Variants in BOD1L1 observed in about 807,000 individuals in gnomAD.
BOD1L1 encodes biorientation of chromosomes in cell division protein 1-like 1.
In BOD1L1, 86 loss-of-function variants were observed where a neutral mutation model predicts 240.7. The observed-to-expected ratio is 0.36, with a 90% confidence interval of 0.30 to 0.43. The LOEUF (loss-of-function observed/expected upper bound fraction) is 0.43, where lower values mean the gene tolerates loss of function less well. BOD1L1 is among the 20% of genes least tolerant of loss of function. The pLI is 1.00. For synonymous variants in BOD1L1, 1,268 were observed against 1,272.3 expected (o/e 1.00, Z 0.07); for missense variants, 3,554 against 3,643.5 (o/e 0.98, Z 0.63).
rs747054259 is a variant in BOD1L1, at chr4:13,604,956, G to T, written c.1944C>A (p.Ser648=). 1 of 1,613,226 alleles carries T rather than the reference G, an allele frequency of 6.2e-7. No homozygotes were observed. The highest frequency in any genetic ancestry group is 8.5e-7 in the Non-Finnish European group (1 of 1,179,710). Residue 648 remains serine (S), a synonymous_variant, in exon 10 of 26, where the codon TCC becomes TCA. Coordinates refer to ENST00000040738, the MANE Select transcript of BOD1L1 (RefSeq NM_148894.3). ...GTCTTTTATGTTCTCTTTCTAATTT[G>T]GATTCATTTTTGTTTTCGTCAACTA... ...LHVVDENKNE[S]KLEREHKRRT...
intron 5 of BOD1L1, among the ~76,000 whole-genome samples, chr4:13,612,175 T>C (rs1369741843): frequency 2.0e-5 from 3 of 151,920 alleles, no homozygotes; most frequent in East Asian, 3.9e-4. Flanking sequence ...GTTTGTGAAA[T>C]TGAAGAAAAA....
At chr4:13,612,108 A>G (rs1053711637) in intron 5 of BOD1L1, among the ~76,000 whole-genome samples, 3 of 152,190 alleles carry the variant, frequency 2.0e-5, no homozygotes, top group Non-Finnish European at 4.4e-5. Flanking sequence ...GGTAATGCAG[A>G]GCTGACCTCA....
chr4:13,582,347 C>A (rs1185830747), intron 18 of BOD1L1, 37 bp from the exon 19 acceptor site: 56 of 1,539,212 alleles, frequency 3.6e-5, no homozygotes, highest in Non-Finnish European at 4.9e-5. Flanking sequence ...ATGCTAGTGA[C>A]CATGGTCAGC....
chr4:13,595,024 C>T lies in BOD1L1; in HGVS notation c.8104+836G>A, dbSNP rs58495734. Among the ~76,000 whole-genome samples the T allele has an allele frequency of 2.2e-3, 334 of 152,236 alleles. 2 individuals are homozygous for T. Among genetic ancestry groups the T allele is most frequent in the African/African-American group, 7.6e-3 (315 of 41,552 alleles). On this transcript the variant is annotated intron_variant, in intron 12 of 25. Coordinates refer to ENST00000040738, the MANE Select transcript of BOD1L1 (RefSeq NM_148894.3). ...ACAGGACTGAATGTGAAAACAGATACGAGAAATAGCTGTTTTTTATTAAGC... is the reference window on the plus strand; with the variant it reads ...ACAGGACTGAATGTGAAAACAGATATGAGAAATAGCTGTTTTTTATTAAGC...
intron 2 of BOD1L1, among the ~76,000 whole-genome samples, chr4:13,615,801 G>A (rs1310401625): frequency 6.6e-6 from 1 of 152,132 alleles, no homozygotes; most frequent in Admixed American, 6.6e-5. Context: ...CTAGGGTCCA[G>A]TATAGAGGTG....
chr4:13,615,352 A>C lies in BOD1L1; in HGVS notation c.519T>G (p.Ala173=), dbSNP rs1716503969. 7 of 1,613,280 alleles carry C rather than the reference A, an allele frequency of 4.3e-6. No individual in the cohort carries two copies. In the East Asian group the frequency reaches 1.3e-4, roughly 31 times the overall value. The change falls in exon 3 of 26, where the codon GCT becomes GCG. Residue 173 remains alanine (A), a synonymous_variant. Transcript: ENST00000040738. ...AAGTGTCTGGTTTCTCATCATCGGGAGCTGTGTTGCCACTTCCTTCCTCTT... is the reference window on the plus strand; with the variant it reads ...AAGTGTCTGGTTTCTCATCATCGGGCGCTGTGTTGCCACTTCCTTCCTCTT... The part of the protein sequence containing the change: ...NHKEEGSGNT[A]PDDEKPDTSL...
chr4:13,584,368 G>A (rs1333070615), intron 17 of BOD1L1, among the ~76,000 whole-genome samples: 1 of 149,622 alleles, frequency 6.7e-6, no homozygotes, highest in Non-Finnish European at 1.5e-5. Flanking sequence ...GTGTGTGAGA[G>A]AGAGAGACAG....
chr4:13,590,510 G>T, intron 13 of BOD1L1, 64 bp from the exon 14 acceptor site: 2 of 784,554 alleles, frequency 2.5e-6, no homozygotes, highest in South Asian at 4.1e-5. Flanking sequence ...CAAAAAGAAA[G>T]AAGAGAGAAG....
Position 13,602,832 on chromosome 4 carries a change from T to C in BOD1L1, c.4068A>G (p.Ala1356=). The change falls in exon 10 of 26, where the codon GCA becomes GCG. Residue 1356 remains alanine (A), a synonymous_variant. Transcript: ENST00000040738. ...GTCTTTTGCTAGTGATGCTTGCTTTTGCTGGTGTATCTACTGTGAAACCTT... is the reference window on the plus strand; with the variant it reads ...GTCTTTTGCTAGTGATGCTTGCTTTCGCTGGTGTATCTACTGTGAAACCTT... ...GGEGFTVDTP[A]KASITSKRHI... 1 of 1,614,068 alleles carries C rather than the reference T, an allele frequency of 6.2e-7. No homozygotes were observed. Among genetic ancestry groups the C allele is most frequent in the Non-Finnish European group, 8.5e-7 (1 of 1,179,902 alleles).
At chr4:13,586,557 T>C in intron 16 of BOD1L1, 82 bp from the exon 17 acceptor site, 1 of 857,548 alleles carries the variant, frequency 1.2e-6, no homozygotes. Context: ...TAAGACTGTT[T>C]GAGCCTTCTT....
In BOD1L1 at chr4:13,603,605, CGCTGGGAGT is replaced by C. The variant is rs778673172; in HGVS notation, c.3286_3294del (p.Thr1096_Ser1098del). On this transcript the variant is annotated inframe_deletion, in exon 10 of 26. Coordinates refer to ENST00000040738, the MANE Select transcript of BOD1L1 (RefSeq NM_148894.3). The stretch of plus-strand genomic sequence containing the variant: ...TTTTTTGGTCTCTGAAGGGAGGAAC[CGCTGGGAGT>C]GCTCAAAGTGTTTGCTGCTAATTTT... 12 of 1,613,902 alleles carry C rather than the reference CGCTGGGAGT, an allele frequency of 7.4e-6. No homozygotes were observed. The highest frequency in any genetic ancestry group is 1.0e-5 in the Non-Finnish European group (12 of 1,179,858).
At position 13,601,111 on chromosome 4, in the gene BOD1L1, T is replaced by TG; in HGVS notation, c.5788_5789insC (p.Asn1930ThrfsTer3). The TG allele has an allele frequency of 6.2e-7, 1 of 1,613,988 alleles. No homozygotes were observed. ...CTCTGTGCCACTCATGCTGTCAACATTATTTTCATTTGCATTCATGATGGC... is the reference window on the plus strand; with the variant it reads ...CTCTGTGCCACTCATGCTGTCAACATGTATTTTCATTTGCATTCATGATGGC... On this transcript the variant is annotated frameshift_variant, in exon 10 of 26. Transcript: ENST00000040738. LOFTEE classifies it high-confidence loss of function.
chr4:13,621,362 C>T (rs11734773), intron 1 of BOD1L1, among the ~76,000 whole-genome samples: 107,367 of 152,134 alleles, frequency 0.71, 41,161 homozygotes, highest in East Asian at 0.96. Context: ...TCAAAGTTTA[C>T]ACTCCAGTGA....
rs376168328 is a variant in BOD1L1 at position 13,604,646 on chromosome 4, T to C, written c.2254A>G (p.Lys752Glu). 23 of 1,582,044 alleles carry C rather than the reference T, an allele frequency of 1.5e-5. No homozygotes were observed. Among genetic ancestry groups the C allele is most frequent in the Non-Finnish European group, 1.7e-5 (20 of 1,170,904 alleles). Residue 752 changes from lysine to glutamate, a missense_variant, in exon 10 of 26, where the codon AAA becomes GAA. Around this residue, in one of 2 missense-constraint regions of BOD1L1, gnomAD observed 3,393 missense variants for 3,427.1 expected, o/e 0.99. Coordinates refer to ENST00000040738, the MANE Select transcript of BOD1L1 (RefSeq NM_148894.3). ...KHKYKGDCMH[K>E]TGDETELHSS... is the part of the protein sequence containing the mutation. ...TGAAGCTCAGTCTCATCACCTGTTT[T>C]ATGCATACAATCACCTTTATATTTA...
intron 12 of BOD1L1, chr4:13,593,614 C>T (rs1714392410): frequency 6.6e-6 from 1 of 152,068 alleles, no homozygotes; most frequent in Admixed American, 6.6e-5. Context: ...CCCTGAGGCC[C>T]TACCTCAGGG....
chr4:13,607,008 T>C (rs1382543898), intron 9 of BOD1L1, 109 bp downstream of exon 9: 1 of 729,096 alleles, frequency 1.4e-6, no homozygotes, highest in Non-Finnish European at 2.1e-6. Flanking sequence ...AAGTTGACTT[T>C]TTATTTGACT....
chr4:13,570,097 G>T lies in BOD1L1; in HGVS notation c.9070C>A (p.Arg3024Ser), dbSNP rs369852170. 5 of 1,603,518 alleles carry T rather than the reference G, an allele frequency of 3.1e-6. No individual in the cohort carries two copies. The highest frequency in any genetic ancestry group is 3.4e-6 in the Non-Finnish European group (4 of 1,175,752). ...CCAGGAGGGCTGACTTCTCTCTTGC[G>T]CTTGATAGAAGGGGAGAGCTGTGTC... Reference protein sequence around the residue: ...SKTQLSPSIKRKREVSPPGAR... With the variant: ...SKTQLSPSIKSKREVSPPGAR... Residue 3024 changes from arginine to serine, a missense_variant, in exon 26 of 26, where the codon CGC (arginine) becomes AGC (serine). Transcript: ENST00000040738.
intron 7 of BOD1L1, 111 bp from the exon 8 acceptor site, chr4:13,608,779 A>G: frequency 1.1e-6 from 1 of 875,528 alleles, no homozygotes; most frequent in Non-Finnish European, 1.6e-6. Context: ...AATGGCTTTA[A>G]TATTCTTAAG....
Position 13,588,766 on chromosome 4 carries a change from C to T in BOD1L1, c.8236G>A (p.Ala2746Thr), listed in dbSNP as rs1383834336. The stretch of plus-strand genomic sequence containing the variant: ...ACACTGTGACCGCTTATGGCTTCTG[C>T]GTTGTCTTTTCTACCACTGGATATC... ...GEISSGRKDN[A>T]EAISGHSVEA... The change falls in exon 15 of 26, where the codon GCA becomes ACA. Residue 2746 changes from alanine to threonine, a missense_variant. Ala to Thr is a moderately conservative substitution (Grantham distance 58, BLOSUM62 0). Coordinates refer to ENST00000040738, the MANE Select transcript of BOD1L1 (RefSeq NM_148894.3). 5.6e-6 allele frequency: 9 copies of T among 1,602,562 alleles called. No individual in the cohort carries two copies. Among genetic ancestry groups the T allele is most frequent in the East Asian group, 2.2e-5 (1 of 44,606 alleles).
Sources: gnomAD v4.1 joint callset for allele counts (sites outside exome capture counted in the v4.1 genomes callset) on GRCh38, gnomAD v4.1.1 for gene constraint, gnomAD v4.1.1 regional missense constraint, MANE v1.5 for transcripts, NCBI Gene and HGNC (gene_info 2026-07-23, HGNC 2026-07-21) for gene names.